FRMD6: variants seen among roughly 807,000 people sequenced by gnomAD.
FRMD6 encodes FERM domain containing 6.
In FRMD6, 37 loss-of-function variants were observed where a neutral mutation model predicts 73.2. The observed-to-expected ratio is 0.51, with a 90% CI of 0.39 to 0.66. The LOEUF is 0.66. FRMD6 is among the 30% of genes least tolerant of loss of function. FRMD6 has a pLI of 0.00. For missense variants in FRMD6, 714 were observed against 780.5 expected, an observed-to-expected ratio of 0.91 and a Z score of 1.02; for synonymous variants, 273 against 282.2, an observed-to-expected ratio of 0.97 and a Z score of 0.33.
the FRMD6 span, among the ~76,000 whole-genome samples, chr14:51,413,011 A>ATTTTT: frequency 9.2e-6 from 1 of 108,666 alleles, no homozygotes; most frequent in Non-Finnish European, 1.9e-5. Flanking sequence ...TTTTTTTTTG[A>ATTTTT]GATGGAGTCT....
chr14:51,702,388 A>G (rs1454925152), intron 4 of FRMD6, 124 bp from the exon 5 acceptor site: 8 of 746,830 alleles, frequency 1.1e-5, no homozygotes, highest in African/African-American at 3.5e-5. Context: ...TACTCATTAT[A>G]AGTAAATAAA....
At chr14:51,565,374 C>T (rs1887716887) in intron 1 of FRMD6, 1 of 152,250 alleles carries the variant, frequency 6.6e-6, no homozygotes, top group East Asian at 1.9e-4. Context: ...TATTAAGCTT[C>T]AAGGTGCTGC....
intron 2 of FRMD6, among the ~76,000 whole-genome samples, chr14:51,601,850 A>G (rs908202114): frequency 1.3e-5 from 2 of 152,172 alleles, no homozygotes; most frequent in African/African-American, 4.8e-5. Context: ...TAATTTCTTT[A>G]TCATTTTCTT....
At chr14:51,709,413 T>TGATA (rs1566585575) in intron 7 of FRMD6, among the ~76,000 whole-genome samples, 1 of 152,008 alleles carries the variant, frequency 6.6e-6, no homozygotes, top group East Asian at 1.9e-4. Flanking sequence ...CCATTACCAT[T>TGATA]GATAGTATTA....
At chr14:51,480,408 G>C in the FRMD6 span, among the ~76,000 whole-genome samples, 1 of 152,214 alleles carries the variant, frequency 6.6e-6, no homozygotes, top group Non-Finnish European at 1.5e-5. Flanking sequence ...AATATGAAGA[G>C]AGGAGTGTCC....
upstream of FRMD6, among the ~76,000 whole-genome samples, chr14:51,647,823 TATTA>T (rs753482607): frequency 2.6e-5 from 4 of 152,280 alleles, no homozygotes; most frequent in South Asian, 2.1e-4. Context: ...TTATTATTAT[TATTA>T]ATTAATTAAT....
At chr14:51,408,567 G>C in the FRMD6 span, among the ~76,000 whole-genome samples, 3 of 151,958 alleles carry the variant, frequency 2.0e-5, 1 homozygote, top group Non-Finnish European at 4.4e-5. Context: ...TTTCAGATAG[G>C]CTTAGTCATT....
chr14:51,690,288 G>A (rs1895459174), intron 2 of FRMD6, among the ~76,000 whole-genome samples: 1 of 152,172 alleles, frequency 6.6e-6, no homozygotes, highest in Admixed American at 6.5e-5. Context: ...GGTAATCATC[G>A]CTATTAGGTT....
At chr14:51,406,174 C>A in the FRMD6 span, among the ~76,000 whole-genome samples, 1 of 152,084 alleles carries the variant, frequency 6.6e-6, no homozygotes, top group South Asian at 2.1e-4. Flanking sequence ...CTATTCTGTT[C>A]CACTGGTCTA....
intron 2 of FRMD6, among the ~76,000 whole-genome samples, chr14:51,639,299 G>C (rs193070563): frequency 0.011 from 1,612 of 152,104 alleles, 74 homozygotes; most frequent in Admixed American, 0.081. Flanking sequence ...GCCGGGCGTC[G>C]TGGCAGGCGC....
chr14:51,503,684 T>G (rs1435675493), intron 1 of FRMD6, among the ~76,000 whole-genome samples: 1 of 151,146 alleles, frequency 6.6e-6, no homozygotes, highest in African/African-American at 2.4e-5. Flanking sequence ...GTTTTTTGTT[T>G]TTTTTTTTTG....
intron 9 of FRMD6, 52 bp downstream of exon 9, chr14:51,712,603 T>C: frequency 8.7e-7 from 1 of 1,143,706 alleles, no homozygotes; most frequent in East Asian, 2.4e-5. Flanking sequence ...TTGCTTACTT[T>C]TTTGGGTTTC....
chr14:51,397,233 G>A, the FRMD6 span: 1 of 152,264 alleles, frequency 6.6e-6, no homozygotes, highest in Non-Finnish European at 1.5e-5. Context: ...AGGAAACTGA[G>A]GCAGAAAGAG....
At chr14:51,606,743 C>T (rs541862436) in intron 2 of FRMD6, among the ~76,000 whole-genome samples, 67 of 152,188 alleles carry the variant, frequency 4.4e-4, no homozygotes, top group African/African-American at 9.2e-4. Flanking sequence ...CTGGGAAGAC[C>T]GTGACACGCC....
chr14:51,480,153 A>G, the FRMD6 span, among the ~76,000 whole-genome samples: 230 of 152,292 alleles, frequency 1.5e-3, 4 homozygotes, highest in East Asian at 0.037. Context: ...AGTGAAGAGT[A>G]AGAGATGGAG....
intron 2 of FRMD6, among the ~76,000 whole-genome samples, chr14:51,608,236 C>T (rs898113397): frequency 6.6e-6 from 1 of 152,176 alleles, no homozygotes; most frequent in Non-Finnish European, 1.5e-5. Flanking sequence ...AGAGGTTCGG[C>T]TTGGGATCCT....
chr14:51,680,727 A>G (rs1894734717), intron 1 of FRMD6, among the ~76,000 whole-genome samples: 1 of 151,620 alleles, frequency 6.6e-6, no homozygotes, highest in South Asian at 2.1e-4. Context: ...GATTTAGGGG[A>G]TGATGTGCTC....
At chr14:51,511,773 G>A (rs1432052524) in intron 1 of FRMD6, among the ~76,000 whole-genome samples, 3 of 152,098 alleles carry the variant, frequency 2.0e-5, no homozygotes. Flanking sequence ...AATACCTAAT[G>A]TAGGTGATGG....
the FRMD6 span, among the ~76,000 whole-genome samples, chr14:51,419,291 G>A: frequency 7.8e-3 from 1,184 of 152,296 alleles, 17 homozygotes; most frequent in African/African-American, 0.027. Context: ...GACTGGAGCT[G>A]TTCCTATTTG....
Sources: allele counts gnomAD v4.1 joint callset (sites outside exome capture counted in the v4.1 genomes callset), GRCh38; gene constraint gnomAD v4.1.1; transcripts MANE v1.5; gene names NCBI Gene and HGNC (gene_info 2026-07-23, HGNC 2026-07-21).